The following HECW1 variants were observed in gnomAD, a reference collection of about 807,000 sequenced individuals.
HECW1 encodes E3 ubiquitin-protein ligase HECW1.
In HECW1, 61 loss-of-function variants were observed where a neutral mutation model predicts 182.3. The ratio of observed to expected loss-of-function variants is 0.33; its 90% CI spans 0.27 to 0.41. The LOEUF is 0.41. Among genes scored for constraint, HECW1 ranks in the 10% least tolerant of loss-of-function variants. The pLI, the probability that HECW1 is intolerant of heterozygous loss-of-function variation, is 1.00. For synonymous variants in HECW1, 859 were observed against 832.6 expected (o/e 1.03, Z -0.55); for missense variants, 1,739 against 2,108.9 (o/e 0.82, Z 3.44).
intron 26 of HECW1, among the ~76,000 whole-genome samples, chr7:43,544,114 A>G (rs985180290): frequency 2.6e-5 from 4 of 152,242 alleles, no homozygotes; most frequent in African/African-American, 7.2e-5. Context: ...TCTTGCACTA[A>G]AGAATGCTGA....
chr7:43,347,502 G>T (rs769234827), intron 5 of HECW1, among the ~76,000 whole-genome samples: 1 of 151,942 alleles, frequency 6.6e-6, no homozygotes, highest in Non-Finnish European at 1.5e-5. Context: ...TTACTGCTTT[G>T]GATGCCCTTT....
intron 16 of HECW1, among the ~76,000 whole-genome samples, chr7:43,474,626 T>C (rs2078153182): frequency 2.0e-5 from 3 of 152,106 alleles, no homozygotes; most frequent in African/African-American, 7.2e-5. Context: ...CATACAGTCG[T>C]AGTAGGAAAA....
At chr7:43,178,578 C>T (rs1175283252) in intron 2 of HECW1, among the ~76,000 whole-genome samples, 1 of 152,228 alleles carries the variant, frequency 6.6e-6, no homozygotes, top group African/African-American at 2.4e-5. Context: ...ATGTGTTGAG[C>T]TCCTCAATGC....
intron 26 of HECW1, among the ~76,000 whole-genome samples, chr7:43,547,357 G>A (rs766792221): frequency 6.6e-6 from 1 of 152,032 alleles, no homozygotes; most frequent in African/African-American, 2.4e-5. Context: ...GACCATCCTG[G>A]CCAACATAGT....
intron 2 of HECW1, among the ~76,000 whole-genome samples, chr7:43,215,370 CCCA>C (rs1796352940): frequency 1.3e-5 from 2 of 152,236 alleles, no homozygotes; most frequent in Admixed American, 6.5e-5. Context: ...GCATGGCTGA[CCCA>C]GCCAGTGCTG....
At chr7:43,516,256 G>GA (rs1202896467) in intron 24 of HECW1, among the ~76,000 whole-genome samples, 1 of 152,024 alleles carries the variant, frequency 6.6e-6, no homozygotes, top group East Asian at 1.9e-4. Flanking sequence ...AGGAAGGAAG[G>GA]AAAAAAAGAA....
chr7:43,336,167 TC>T (rs1562854005), intron 5 of HECW1, among the ~76,000 whole-genome samples: 3 of 123,780 alleles, frequency 2.4e-5, no homozygotes, highest in African/African-American at 6.4e-5. Flanking sequence ...TCTCTCTCTC[TC>T]TCTCTCTCTC....
At chr7:43,305,585 TTTG>T (rs144135825) in intron 3 of HECW1, among the ~76,000 whole-genome samples, 2,029 of 150,746 alleles carry the variant, frequency 0.013, 36 homozygotes, top group African/African-American at 0.041. Context: ...TGGATAGTGT[TTTG>T]TTGTTGTTGT....
intron 3 of HECW1, among the ~76,000 whole-genome samples, chr7:43,253,060 G>C (rs1562738293): frequency 1.3e-5 from 2 of 151,922 alleles, no homozygotes; most frequent in African/African-American, 2.4e-5. Context: ...TGTGGAGCTT[G>C]GACATGGATT....
chr7:43,551,175 C>T (rs138860554), intron 27 of HECW1, among the ~76,000 whole-genome samples: 1 of 152,236 alleles, frequency 6.6e-6, no homozygotes, highest in East Asian at 1.9e-4. Flanking sequence ...AGTGCACTGG[C>T]CATGGTCTTG....
intron 17 of HECW1, among the ~76,000 whole-genome samples, chr7:43,485,939 A>ACCTC (rs1386465824): frequency 3.3e-5 from 5 of 152,148 alleles, no homozygotes; most frequent in African/African-American, 1.2e-4. Flanking sequence ...TACATGTGCC[A>ACCTC]TGTGGGTTTG....
intron 6 of HECW1, among the ~76,000 whole-genome samples, chr7:43,389,217 G>C (rs902317281): frequency 1.3e-5 from 2 of 152,226 alleles, no homozygotes; most frequent in African/African-American, 4.8e-5. Flanking sequence ...AGACCCTTGA[G>C]AGTGGTGTTT....
intron 17 of HECW1, among the ~76,000 whole-genome samples, chr7:43,483,631 C>T (rs1048735540): frequency 6.7e-6 from 1 of 149,196 alleles, no homozygotes; most frequent in Non-Finnish European, 1.5e-5. Flanking sequence ...TCACTGCAAC[C>T]TCTGCCTCCT....
chr7:43,214,703 G>T (rs1475653856), intron 2 of HECW1, among the ~76,000 whole-genome samples: 1 of 152,216 alleles, frequency 6.6e-6, no homozygotes, highest in Non-Finnish European at 1.5e-5. Flanking sequence ...CATGGGCAGA[G>T]CACAGGAGAC....
chr7:43,474,708 T>C (rs919959149), intron 16 of HECW1, among the ~76,000 whole-genome samples: 4 of 152,180 alleles, frequency 2.6e-5, no homozygotes, highest in Non-Finnish European at 5.9e-5. Flanking sequence ...TATAACTTTA[T>C]GTGAATGAAA....
intron 5 of HECW1, among the ~76,000 whole-genome samples, chr7:43,359,252 T>C (rs1440165340): frequency 3.9e-5 from 6 of 152,330 alleles, no homozygotes; most frequent in African/African-American, 1.4e-4. Flanking sequence ...AATGGTAAAC[T>C]GCATAGGTGT....
At chr7:43,275,590 AT>A (rs1803018689) in intron 3 of HECW1, among the ~76,000 whole-genome samples, 1 of 152,190 alleles carries the variant, frequency 6.6e-6, no homozygotes, top group Non-Finnish European at 1.5e-5. Flanking sequence ...AGTAATGTAG[AT>A]GCAAATGCAC....
chr7:43,394,981 G>A (rs1377450842), intron 6 of HECW1, among the ~76,000 whole-genome samples: 3 of 151,936 alleles, frequency 2.0e-5, no homozygotes, highest in East Asian at 1.9e-4. Context: ...ATAGGGAGTC[G>A]GAGCTGTCTT....
chr7:43,440,815 G>A (rs2076864008), intron 9 of HECW1, among the ~76,000 whole-genome samples: 1 of 152,094 alleles, frequency 6.6e-6, no homozygotes. Context: ...TGCACATAAT[G>A]CTTTACTTAA....
Sources: allele counts gnomAD v4.1 joint callset (sites outside exome capture counted in the v4.1 genomes callset), GRCh38; gene constraint gnomAD v4.1.1; transcripts MANE v1.5; gene names NCBI Gene and HGNC (gene_info 2026-07-23, HGNC 2026-07-21).